The following LINGO1 variants were observed in gnomAD, a reference collection of about 807,000 sequenced individuals.
The protein encoded by LINGO1 is leucine-rich repeat and immunoglobulin-like domain-containing nogo receptor-interacting protein 1.
In LINGO1, 11 loss-of-function variants were observed where a neutral mutation model predicts 37.3. The observed-to-expected ratio is 0.29, with a 90% CI of 0.19 to 0.49. The LOEUF (loss-of-function observed/expected upper bound fraction) is 0.49. LINGO1 is among the 20% of genes least tolerant of loss of function. The probability of loss-of-function intolerance (pLI) is 0.99; values close to 1 mark genes in which losing one functional copy is unlikely to be tolerated. For missense variants in LINGO1, 585 were observed against 878.2 expected (o/e 0.67, Z 4.22); for synonymous variants, 387 against 403.0 (o/e 0.96, Z 0.48).
At chr15:77,786,274 A>G (rs189448737) in intron 1 of LINGO1, among the ~76,000 whole-genome samples, 370 of 152,284 alleles carry the variant, frequency 2.4e-3, no homozygotes, top group Non-Finnish European at 3.5e-3. Flanking sequence ...AAAGAGGTCC[A>G]GAGAGCCTGA....
Position 77,632,644 on chromosome 15 carries a change from C to T in LINGO1, c.-329G>A, listed in dbSNP as rs937969733. ...CCCTGGGCCGGCCCGGAGCCGCCGC[C>T]GCCGCCTCTGCCGCTGGGGCCGGGG... On this transcript the variant is annotated 5_prime_UTR_variant, in exon 1 of 2. Coordinates refer to ENST00000355300, the MANE Select transcript of LINGO1 (RefSeq NM_032808.7). This position sits in a 1 kb window ranked among gnomAD's most constrained non-coding sequence, Gnocchi z 6.0. Among the ~76,000 whole-genome samples the T allele has an allele frequency of 4.8e-5, 7 of 146,110 alleles. No homozygotes were observed. Among genetic ancestry groups the T allele is most frequent in the African/African-American group, 1.7e-4 (7 of 40,796 alleles).
upstream of LINGO1, among the ~76,000 whole-genome samples, chr15:77,698,620 C>A (rs2075727392): frequency 6.6e-6 from 1 of 152,216 alleles, no homozygotes; most frequent in East Asian, 1.9e-4. Context: ...AGAAGCACCT[C>A]TTCCTCCAAG....
intron 1 of LINGO1, among the ~76,000 whole-genome samples, chr15:77,798,282 G>T (rs1185745212): frequency 1.3e-5 from 2 of 152,232 alleles, no homozygotes; most frequent in Non-Finnish European, 2.9e-5. Context: ...TCCCAAGCTG[G>T]ATCCCGATAG....
At chr15:77,805,223 G>C (rs557623502) in intron 1 of LINGO1, among the ~76,000 whole-genome samples, 9 of 152,348 alleles carry the variant, frequency 5.9e-5, no homozygotes, top group African/African-American at 1.9e-4. Context: ...CAGGCCTGCG[G>C]TGTTCCCTGG....
intron 1 of LINGO1, among the ~76,000 whole-genome samples, chr15:77,801,095 G>C (rs572127824): frequency 6.6e-6 from 1 of 152,100 alleles, no homozygotes; most frequent in Non-Finnish European, 1.5e-5. Flanking sequence ...CCTTTGGAAG[G>C]GTAATTTGGC....
At chr15:77,769,540 C>T (rs2076563093) in intron 1 of LINGO1, among the ~76,000 whole-genome samples, 1 of 152,170 alleles carries the variant, frequency 6.6e-6, no homozygotes, top group Non-Finnish European at 1.5e-5. Context: ...GTCTGACTCT[C>T]CCCATATCCA....
intron 1 of LINGO1, among the ~76,000 whole-genome samples, chr15:77,629,997 G>A (rs998192455): frequency 6.6e-6 from 1 of 152,016 alleles, no homozygotes; most frequent in Non-Finnish European, 1.5e-5. Context: ...AGGTGAGGAT[G>A]GGGGGATACG....
At chr15:77,699,991 G>C (rs2075761900), upstream of LINGO1, among the ~76,000 whole-genome samples, 1 of 152,220 alleles carries the variant, frequency 6.6e-6, no homozygotes, top group Non-Finnish European at 1.5e-5. Flanking sequence ...AGGGTGCAAG[G>C]AAGGAGTCAG....
intron 1 of LINGO1, among the ~76,000 whole-genome samples, chr15:77,798,679 A>G (rs2076892943): frequency 6.6e-6 from 1 of 152,212 alleles, no homozygotes; most frequent in African/African-American, 2.4e-5. Flanking sequence ...CCCCAGCTGC[A>G]GGCCTCACAG....
intron 1 of LINGO1, among the ~76,000 whole-genome samples, chr15:77,735,453 G>T (rs937347274): frequency 6.6e-6 from 1 of 152,210 alleles, no homozygotes; most frequent in Admixed American, 6.5e-5. Context: ...GGCCACGTGT[G>T]GCTTATGGTC....
chr15:77,704,600 C>T (rs2075826176), intron 2 of LINGO1, among the ~76,000 whole-genome samples: 1 of 149,978 alleles, frequency 6.7e-6, no homozygotes, highest in African/African-American at 2.5e-5. Flanking sequence ...GACACTGAAC[C>T]CCGACCCTGG....
chr15:77,796,321 C>T (rs895171106), intron 1 of LINGO1, among the ~76,000 whole-genome samples: 6 of 152,202 alleles, frequency 3.9e-5, no homozygotes, highest in African/African-American at 1.4e-4. Flanking sequence ...CACACACACA[C>T]ACACTCATGG....
At chr15:77,702,654 C>T (rs368927380) in intron 2 of LINGO1, among the ~76,000 whole-genome samples, 1 of 152,122 alleles carries the variant, frequency 6.6e-6, no homozygotes, top group East Asian at 1.9e-4. Flanking sequence ...GCAGACCGGC[C>T]CCATGGTGGT....
chr15:77,653,326 T>C (rs2074801145), intron 3 of LINGO1, among the ~76,000 whole-genome samples: 1 of 152,174 alleles, frequency 6.6e-6, no homozygotes, highest in Non-Finnish European at 1.5e-5. Flanking sequence ...GAACTGACCC[T>C]AGACTCTAGG....
Position 77,632,036 on chromosome 15 carries a change from A to G in LINGO1, c.6+274T>C, listed in dbSNP as rs943204124. Among the ~76,000 whole-genome samples the G allele has an allele frequency of 1.3e-5, 2 of 152,236 alleles. No homozygotes were observed. The highest frequency in any genetic ancestry group is 2.4e-5 in the African/African-American group (1 of 41,472). ...GGGGACAGGAAGGGGAGACCAGAGC[A>G]GGTCTGGGACACCCGTGGGGGCCCC... is the stretch of plus-strand genomic sequence containing the variant. On this transcript the variant is annotated intron_variant, in intron 1 of 1. Coordinates refer to ENST00000355300, the MANE Select transcript of LINGO1 (RefSeq NM_032808.7). This position sits in a 1 kb window ranked among gnomAD's most constrained non-coding sequence, Gnocchi z 6.0.
chr15:77,805,619 G>T, intron 1 of LINGO1, among the ~76,000 whole-genome samples: 1 of 152,150 alleles, frequency 6.6e-6, no homozygotes, highest in Non-Finnish European at 1.5e-5. Flanking sequence ...AAACTGTGTG[G>T]AAGTGCCCAT....
chr15:77,634,449 C>G, upstream of LINGO1: 1 of 408,706 alleles, frequency 2.4e-6, no homozygotes, highest in South Asian at 1.8e-5. Context: ...CTACTGTGAA[C>G]TGTACGTTCA....
At position 77,814,763 on chromosome 15, in the gene LINGO1, C is replaced by T. The variant is rs559752790; in HGVS notation, c.-458+5495G>A. ...TCCAAGCCCAGGCCCTTTGGATTCA[C>T]CAGACTGATTCGAGGAGCCACTCCA... On this transcript the variant is annotated intron_variant, in intron 1 of 5. Coordinates refer to the LINGO1 transcript ENST00000562933. 7.9e-5 allele frequency among the ~76,000 whole-genome samples: 12 copies of T among 152,364 alleles called. No homozygotes were observed. In the South Asian group the frequency reaches 2.3e-3, roughly 29 times the overall value.
intron 1 of LINGO1, among the ~76,000 whole-genome samples, chr15:77,621,617 A>T (rs1391612389): frequency 6.6e-6 from 1 of 152,138 alleles, no homozygotes; most frequent in African/African-American, 2.4e-5. Context: ...GTGAGGCCCC[A>T]GGGCTGAGGG....
Sources: gnomAD v4.1 joint callset for allele counts (sites outside exome capture counted in the v4.1 genomes callset) on GRCh38, gnomAD v4.1.1 for gene constraint, Gnocchi (gnomAD v3.1) non-coding constraint, MANE v1.5 for transcripts, NCBI Gene and HGNC (gene_info 2026-07-23, HGNC 2026-07-21) for gene names.